Variants in BRINP3 observed in about 807,000 individuals in gnomAD.
BRINP3 encodes the protein BMP/retinoic acid inducible neural specific 3.
Under a neutral mutation model 71.0 loss-of-function variants are expected in BRINP3, and 19 were observed. The ratio of observed to expected loss-of-function variants is 0.27; its 90% CI spans 0.19 to 0.39. The LOEUF is 0.39. Among genes scored for constraint, BRINP3 ranks in the 10% least tolerant of loss-of-function variants. BRINP3 has a pLI of 1.00. For missense variants in BRINP3, 959 were observed against 940.8 expected (o/e 1.02, Z -0.25); for synonymous variants, 380 against 337.7 (o/e 1.13, Z -1.37).
At chr1:190,182,356 G>A (rs1653102797) in intron 6 of BRINP3, among the ~76,000 whole-genome samples, 1 of 151,938 alleles carries the variant, frequency 6.6e-6, no homozygotes, top group African/African-American at 2.4e-5. Context: ...AGGTTCCCCA[G>A]GCTCTATTTA....
At position 190,367,103 on chromosome 1, in the gene BRINP3, C is replaced by T. The variant is rs74130713; in HGVS notation, c.237-85353G>A. Reference sequence around the variant, plus strand: ...CCAGTGTGGACTCTGTGCGGGGGCTCCAACCTCACATTTCTCTTTTTCATT... The same window carrying T: ...CCAGTGTGGACTCTGTGCGGGGGCTTCAACCTCACATTTCTCTTTTTCATT... On this transcript the variant is annotated intron_variant, in intron 2 of 7. Coordinates refer to ENST00000367462, the MANE Select transcript of BRINP3 (RefSeq NM_199051.3). Among the ~76,000 whole-genome samples, 642 of 152,272 alleles carry T rather than the reference C, an allele frequency of 4.2e-3. 6 individuals carry two copies. Among genetic ancestry groups the T allele is most frequent in the African/African-American group, 0.014 (597 of 41,566 alleles).
At chr1:190,334,135 G>T (rs1270439011) in intron 2 of BRINP3, among the ~76,000 whole-genome samples, 1 of 151,790 alleles carries the variant, frequency 6.6e-6, no homozygotes, top group Non-Finnish European at 1.5e-5. Context: ...TAAAAATCAT[G>T]AAAATTTCAG....
At position 190,097,833 on chromosome 1, in the gene BRINP3, A is replaced by G; in HGVS notation, c.*185T>C. On this transcript the variant is annotated 3_prime_UTR_variant, in exon 8 of 8. Transcript: ENST00000367462. ...TCAGTATTTATGTCATTCATAAACCAAAACTGCTGTATAATATATTCATTG... is the reference window on the plus strand; with the variant it reads ...TCAGTATTTATGTCATTCATAAACCGAAACTGCTGTATAATATATTCATTG... 1 of 613,580 alleles carries G rather than the reference A, an allele frequency of 1.6e-6. No individual in the cohort carries two copies. Among genetic ancestry groups the G allele is most frequent in the Admixed American group, 3.3e-5 (1 of 30,520 alleles). 38.0% of individuals were successfully genotyped at this position (613,580 alleles called of 1,614,324 possible).
At chr1:190,147,392 T>A (rs1655982584) in intron 7 of BRINP3, among the ~76,000 whole-genome samples, 1 of 152,118 alleles carries the variant, frequency 6.6e-6, no homozygotes, top group Non-Finnish European at 1.5e-5. Flanking sequence ...TATACCTTCT[T>A]GAGTTGATTA....
At chr1:190,318,584 G>A (rs1197429396) in intron 2 of BRINP3, among the ~76,000 whole-genome samples, 2 of 152,000 alleles carry the variant, frequency 1.3e-5, no homozygotes, top group African/African-American at 4.8e-5. Flanking sequence ...TTAGGGAAAG[G>A]TTTTGATTAT....
chr1:190,151,873 A>G (rs1304490899), intron 7 of BRINP3, among the ~76,000 whole-genome samples: 5 of 152,196 alleles, frequency 3.3e-5, no homozygotes, highest in African/African-American at 1.2e-4. Flanking sequence ...AGACAAGCCT[A>G]AAATCAAAAA....
chr1:190,413,377 C>G (rs1672814759), intron 2 of BRINP3, among the ~76,000 whole-genome samples: 1 of 152,130 alleles, frequency 6.6e-6, no homozygotes, highest in African/African-American at 2.4e-5. Context: ...ATATCAGGCC[C>G]TAATCCTTTT....
chr1:190,392,180 G>A (rs2102309784), intron 2 of BRINP3, among the ~76,000 whole-genome samples: 1 of 151,582 alleles, frequency 6.6e-6, no homozygotes, highest in African/African-American at 2.4e-5. Flanking sequence ...TGATCTCAAT[G>A]CTCCATATCA....
intron 6 of BRINP3, among the ~76,000 whole-genome samples, chr1:190,167,853 C>T (rs1651689584): frequency 6.6e-6 from 1 of 152,126 alleles, no homozygotes; most frequent in Non-Finnish European, 1.5e-5. Flanking sequence ...TTCCAACAGA[C>T]TACCAAGAAT....
chr1:190,217,344 G>C (rs540754603), intron 6 of BRINP3, among the ~76,000 whole-genome samples: 1 of 150,518 alleles, frequency 6.6e-6, no homozygotes, highest in African/African-American at 2.4e-5. Flanking sequence ...TATCTGTTAT[G>C]AGGCAAAAAA....
chr1:190,183,068 A>G (rs552189083), intron 6 of BRINP3, among the ~76,000 whole-genome samples: 1 of 152,190 alleles, frequency 6.6e-6, no homozygotes, highest in South Asian at 2.1e-4. Context: ...GAGAACTGTT[A>G]CCTGTGACTT....
At chr1:190,466,419 C>T (rs140618481) in intron 1 of BRINP3, among the ~76,000 whole-genome samples, 1 of 151,794 alleles carries the variant, frequency 6.6e-6, no homozygotes, top group East Asian at 1.9e-4. Context: ...AGAGCATGTA[C>T]TCTGAAATCA....
intron 6 of BRINP3, among the ~76,000 whole-genome samples, chr1:190,190,226 T>C (rs770517498): frequency 3.3e-5 from 5 of 152,092 alleles, no homozygotes; most frequent in African/African-American, 4.8e-5. Flanking sequence ...TTGCAAATGC[T>C]GGGCTTTACT....
chr1:190,206,290 T>C (rs1462343850), intron 6 of BRINP3, among the ~76,000 whole-genome samples: 2 of 152,048 alleles, frequency 1.3e-5, no homozygotes, highest in Admixed American at 6.6e-5. Context: ...TTGAGTAGTT[T>C]ATGACAGGTT....
At chr1:190,377,197 T>A (rs756613401) in intron 2 of BRINP3, among the ~76,000 whole-genome samples, 7 of 152,092 alleles carry the variant, frequency 4.6e-5, no homozygotes, top group Admixed American at 6.6e-5. Context: ...ACTGTCATCC[T>A]ACATCCACAT....
chr1:190,453,722 T>C, intron 2 of BRINP3, among the ~76,000 whole-genome samples: 1 of 152,178 alleles, frequency 6.6e-6, no homozygotes, highest in Non-Finnish European at 1.5e-5. Flanking sequence ...TAATGCTGTA[T>C]AAATGACTAC....
At chr1:190,172,385 C>T (rs528613887) in intron 6 of BRINP3, among the ~76,000 whole-genome samples, 154 of 151,552 alleles carry the variant, frequency 1.0e-3, no homozygotes, top group African/African-American at 3.4e-3. Context: ...ATTTTTCCTC[C>T]GGATTGAATT....
At chr1:190,370,000 A>T (rs1046976146) in intron 2 of BRINP3, among the ~76,000 whole-genome samples, 1 of 152,142 alleles carries the variant, frequency 6.6e-6, no homozygotes, top group African/African-American at 2.4e-5. Flanking sequence ...GGCTTCATTT[A>T]TTTCTAGTAT....
intron 2 of BRINP3, among the ~76,000 whole-genome samples, chr1:190,343,141 G>A (rs895604542): frequency 1.3e-5 from 2 of 151,776 alleles, no homozygotes; most frequent in Non-Finnish European, 2.9e-5. Flanking sequence ...TAAACTGAGG[G>A]AAACTGCTGC....
Sources: gnomAD v4.1 joint callset for allele counts (sites outside exome capture counted in the v4.1 genomes callset) on GRCh38, gnomAD v4.1.1 for gene constraint, MANE v1.5 for transcripts, NCBI Gene and HGNC (gene_info 2026-07-23, HGNC 2026-07-21) for gene names.